ADAMTS2: variants seen among roughly 807,000 people sequenced by gnomAD.
ADAMTS2 encodes ADAM metallopeptidase with thrombospondin type 1 motif 2.
ADAMTS2 carries 50 observed loss-of-function variants against 123.0 expected under a neutral mutation model. The ratio of observed to expected loss-of-function variants is 0.41; its 90% CI spans 0.32 to 0.51. ADAMTS2 has a LOEUF of 0.51. Among genes scored for constraint, ADAMTS2 ranks in the 20% least tolerant of loss-of-function variants. ADAMTS2 has a pLI of 0.35. For missense variants in ADAMTS2, 1,494 were observed against 1,705.2 expected (o/e 0.88, Z 2.18); for synonymous variants, 678 against 695.4 (o/e 0.98, Z 0.39).
At chr5:179,206,001 C>T (rs1764682045) in intron 4 of ADAMTS2, among the ~76,000 whole-genome samples, 2 of 152,202 alleles carry the variant, frequency 1.3e-5, no homozygotes, top group South Asian at 2.1e-4. Context: ...CCTCGTGATC[C>T]GCCCACCTCG....
chr5:179,273,104 A>G (rs779350637), intron 2 of ADAMTS2, 40 bp from the exon 3 acceptor site: 3 of 1,612,970 alleles, frequency 1.9e-6, no homozygotes, highest in Non-Finnish European at 2.5e-6. Context: ...TCCAGCACAC[A>G]AAAGACCAAG....
rs1251687615 is a variant in ADAMTS2, at chr5:179,242,731, C to T, written c.688+30180G>A. ...GGAGTTCCACTCTGGGGGTGTGTGG[C>T]CAAGAACACAGGGCTCCCTCTTCCC... On this transcript the variant is annotated intron_variant, in intron 3 of 21. Coordinates refer to ENST00000251582, the MANE Select transcript of ADAMTS2 (RefSeq NM_014244.5). The surrounding 1 kb of genome is among the most constrained non-coding windows in gnomAD (Gnocchi z 4.2). 6.6e-6 allele frequency among the ~76,000 whole-genome samples: 1 copy of T among 152,126 alleles called. No homozygotes were observed. The highest frequency in any genetic ancestry group is 1.5e-5 in the Non-Finnish European group (1 of 68,028).
rs1765031062 is a variant in ADAMTS2 at position 179,217,836 on chromosome 5, AGACAGGCACACTCACTAGGT to A, written c.689-10141_689-10122del. On this transcript the variant is annotated intron_variant, in intron 3 of 21. Transcript: ENST00000251582. ...ACTCACTAGGGGATGGCCTGAGGGC[AGACAGGCACACTCACTAGGT>A]AGGGGATGGCCTGAGGGCAGACGGC... 8.1e-5 allele frequency among the ~76,000 whole-genome samples: 7 copies of A among 86,554 alleles called. 1 individual carries two copies. Among genetic ancestry groups the A allele is most frequent in the African/African-American group, 3.3e-4 (7 of 21,494 alleles). 56.8% of individuals were successfully genotyped at this position (86,554 alleles called of 152,430 possible).
At position 179,175,848 on chromosome 5, in the gene ADAMTS2, C is replaced by G. The variant is rs1315146933; in HGVS notation, c.975+5224G>C. On this transcript the variant is annotated intron_variant, in intron 5 of 21. Coordinates refer to ENST00000251582, the MANE Select transcript of ADAMTS2 (RefSeq NM_014244.5). The surrounding 1 kb of genome is among the most constrained non-coding windows in gnomAD (Gnocchi z 4.1). ...CTTTTTTGTTTGTTTGTTTCCAAGA[C>G]TATCTCCAGGGCAGTGCTCCCCAGA... Among the ~76,000 whole-genome samples, 6 of 152,106 alleles carry G rather than the reference C, an allele frequency of 3.9e-5. No individual in the cohort carries two copies. In the East Asian group the frequency reaches 1.2e-3, roughly 29 times the overall value.
intron 2 of ADAMTS2, among the ~76,000 whole-genome samples, chr5:179,298,764 G>T (rs1274673183): frequency 6.6e-6 from 1 of 152,114 alleles, no homozygotes; most frequent in Admixed American, 6.5e-5. Context: ...CACTGGAATG[G>T]CAAGATGCAG....
chr5:179,117,734 C>T lies in ADAMTS2; in HGVS notation c.3179-3410G>A, dbSNP rs558194805. On this transcript the variant is annotated intron_variant, in intron 21 of 21. Coordinates refer to ENST00000251582, the MANE Select transcript of ADAMTS2 (RefSeq NM_014244.5). The surrounding 1 kb of genome is among the most constrained non-coding windows in gnomAD (Gnocchi z 4.2). ...TGTATTTTTAGTAGAGACGGGGTTT[C>T]GCTATGTTGGTCAGGCTGGTCTTGA... is the stretch of plus-strand genomic sequence containing the variant. Among the ~76,000 whole-genome samples the T allele has an allele frequency of 2.0e-5, 3 of 152,128 alleles. No homozygotes were observed. Among genetic ancestry groups the T allele is most frequent in the Non-Finnish European group, 2.9e-5 (2 of 68,008 alleles).
rs1404662419 is a variant in ADAMTS2, at chr5:179,117,006, G to C, written c.3179-2682C>G. 6.6e-6 allele frequency among the ~76,000 whole-genome samples: 1 copy of C among 152,186 alleles called. No homozygotes were observed. The highest frequency in any genetic ancestry group is 2.1e-4 in the South Asian group (1 of 4,830). ...GGAAGATCCTGAGATGTGGCTGTCA[G>C]GATTTTGAAACTGGCAGAAGGCTTT... On this transcript the variant is annotated intron_variant, in intron 21 of 21. Coordinates refer to ENST00000251582, the MANE Select transcript of ADAMTS2 (RefSeq NM_014244.5). The surrounding 1 kb of genome is among the most constrained non-coding windows in gnomAD (Gnocchi z 4.2).
rs1336922660 is a variant in ADAMTS2 at position 179,130,841 on chromosome 5, G to A, written c.2291-743C>T. ...ACAAAGCCTCTGCTTGGTGCCACAC[G>A]TCCCTGCCTTCTCTCTGGCCCTTGC... On this transcript the variant is annotated intron_variant, in intron 15 of 21. Coordinates refer to ENST00000251582, the MANE Select transcript of ADAMTS2 (RefSeq NM_014244.5). The surrounding 1 kb of genome is among the most constrained non-coding windows in gnomAD (Gnocchi z 4.3). Among the ~76,000 whole-genome samples, 7 of 152,212 alleles carry A rather than the reference G, an allele frequency of 4.6e-5. No individual in the cohort carries two copies. Among genetic ancestry groups the A allele is most frequent in the East Asian group, 3.9e-4 (2 of 5,156 alleles).
intron 3 of ADAMTS2, 117 bp from the exon 4 acceptor site, chr5:179,207,832 A>G (rs1764742325): frequency 1.1e-6 from 1 of 899,056 alleles, no homozygotes; most frequent in Admixed American, 2.0e-5. Context: ...AACCGAGGGT[A>G]TTATTCCATT....
intron 5 of ADAMTS2, among the ~76,000 whole-genome samples, chr5:179,160,667 G>A (rs1052343879): frequency 1.3e-5 from 2 of 152,162 alleles, no homozygotes; most frequent in Non-Finnish European, 2.9e-5. Flanking sequence ...ATTCTAACAA[G>A]GTTTCCATGA....
At position 179,128,065 on chromosome 5, in the gene ADAMTS2, ATGGATCAT is replaced by A. The variant is rs1762891506; in HGVS notation, c.2503_2510del (p.Met835Ter). 2 of 1,613,958 alleles carry A rather than the reference ATGGATCAT, an allele frequency of 1.2e-6. No individual in the cohort carries two copies. Among genetic ancestry groups the A allele is most frequent in the Non-Finnish European group, 1.7e-6 (2 of 1,180,022 alleles). On this transcript the variant is annotated frameshift_variant, in exon 17 of 22. Coordinates refer to ENST00000251582, the MANE Select transcript of ADAMTS2 (RefSeq NM_014244.5). LOFTEE classifies it high-confidence loss of function. This position sits in a 1 kb window ranked among gnomAD's most constrained non-coding sequence, Gnocchi z 4.9. ...TGTCGTCGACATTCAGTGAGTCCTC[ATGGATCAT>A]GTATTTGTACGTCAGTGAGACCCGG...
rs532727274 is a variant in ADAMTS2, at chr5:179,243,764, T to C, written c.688+29147A>G. On this transcript the variant is annotated intron_variant, in intron 3 of 21. Coordinates refer to ENST00000251582, the MANE Select transcript of ADAMTS2 (RefSeq NM_014244.5). Reference sequence around the variant, plus strand: ...TTTCAAAGCAGCCATTGGAAATATGTCTTTGAAAAAAGGAAACCATGCTTA... The same window carrying C: ...TTTCAAAGCAGCCATTGGAAATATGCCTTTGAAAAAAGGAAACCATGCTTA... Among the ~76,000 whole-genome samples, 106 of 152,296 alleles carry C rather than the reference T, an allele frequency of 7.0e-4. 2 individuals carry two copies. In the Middle Eastern group the frequency reaches 0.014, roughly 20 times the overall value.
At chr5:179,251,645 G>A (rs564060990) in intron 3 of ADAMTS2, among the ~76,000 whole-genome samples, 1 of 152,200 alleles carries the variant, frequency 6.6e-6, no homozygotes, top group Non-Finnish European at 1.5e-5. Context: ...CTCAAAAAGT[G>A]AAACACTGTG....
Position 179,185,196 on chromosome 5 carries a change from A to C in ADAMTS2, c.892-4041T>G, listed in dbSNP as rs146423435. Among the ~76,000 whole-genome samples the C allele has an allele frequency of 2.0e-5, 3 of 152,324 alleles. No homozygotes were observed. The highest frequency in any genetic ancestry group is 7.2e-5 in the African/African-American group (3 of 41,570). On this transcript the variant is annotated intron_variant, in intron 4 of 21. Transcript: ENST00000251582. The surrounding 1 kb of genome is among the most constrained non-coding windows in gnomAD (Gnocchi z 5.9). ...TCCTCTCTAAGAGCAGTGGGAGGAC[A>C]TGGAGGAAGGATGATGGCGGGGCAT...
At chr5:179,291,577 C>A (rs1308499677) in intron 2 of ADAMTS2, among the ~76,000 whole-genome samples, 2 of 152,170 alleles carry the variant, frequency 1.3e-5, no homozygotes, top group Non-Finnish European at 2.9e-5. Context: ...TCTTGTCATT[C>A]TGCCTGCTGG....
rs988466120 is a variant in ADAMTS2 at position 179,307,648 on chromosome 5, C to T, written c.535-34584G>A. On this transcript the variant is annotated intron_variant, in intron 2 of 21. Transcript: ENST00000251582. This position sits in a 1 kb window ranked among gnomAD's most constrained non-coding sequence, Gnocchi z 5.6. ...CCCACCACATGACTGCCCCGGTCCC[C>T]GCTGATTTCTCCTTCACTCAAGTGC... is the stretch of plus-strand genomic sequence containing the variant. Among the ~76,000 whole-genome samples, 11 of 152,186 alleles carry T rather than the reference C, an allele frequency of 7.2e-5. No individual in the cohort carries two copies. The highest frequency in any genetic ancestry group is 1.3e-4 in the Admixed American group (2 of 15,284).
At chr5:179,139,646 A>G (rs1408029144) in intron 11 of ADAMTS2, among the ~76,000 whole-genome samples, 2 of 152,154 alleles carry the variant, frequency 1.3e-5, no homozygotes, top group Non-Finnish European at 2.9e-5. Context: ...AAATCTGTCT[A>G]GAGTGGGCTG....
intron 2 of ADAMTS2, among the ~76,000 whole-genome samples, chr5:179,343,131 G>A (rs139852151): frequency 7.9e-5 from 12 of 152,264 alleles, no homozygotes; most frequent in East Asian, 1.9e-4. Context: ...AATGATTCCC[G>A]GTCAGCCAAG....
At chr5:179,217,510 C>T (rs745847074) in intron 3 of ADAMTS2, among the ~76,000 whole-genome samples, 7 of 152,166 alleles carry the variant, frequency 4.6e-5, no homozygotes, top group Non-Finnish European at 8.8e-5. Flanking sequence ...AAATTTTGAC[C>T]TCATGCCTTA....
Sources: gnomAD v4.1 joint callset for allele counts (sites outside exome capture counted in the v4.1 genomes callset) on GRCh38, gnomAD v4.1.1 for gene constraint, Gnocchi (gnomAD v3.1) non-coding constraint, MANE v1.5 for transcripts, NCBI Gene and HGNC (gene_info 2026-07-23, HGNC 2026-07-21) for gene names.